The following NUP160 variants were observed in gnomAD, a reference collection of about 807,000 sequenced individuals.
NUP160 encodes nucleoporin 160, also known as nuclear pore complex protein Nup160.
NUP160 carries 94 observed loss-of-function variants against 196.9 expected under a neutral mutation model. The observed-to-expected ratio is 0.48, with a 90% CI of 0.40 to 0.57. NUP160 has a LOEUF of 0.57. Ranked by LOEUF, NUP160 falls within the 20% of genes least tolerant of loss-of-function variation. The probability of loss-of-function intolerance (pLI) is 0.00; values close to 1 mark genes in which losing one functional copy is unlikely to be tolerated. For synonymous variants in NUP160, 605 were observed against 619.7 expected (o/e 0.98, Z 0.35); for missense variants, 1,638 against 1,748.3 (o/e 0.94, Z 1.13).
intron 34 of NUP160, 31 bp downstream of exon 34, chr11:47,783,042 T>C (rs74990892): frequency 0.014 from 21,844 of 1,591,688 alleles, 194 homozygotes; most frequent in Non-Finnish European, 0.016. Flanking sequence ...GTCAAACCAT[T>C]GTAAATTGGG....
In NUP160 at chr11:47,804,058, G is replaced by A. The variant is rs553476182; in HGVS notation, c.2676+491C>T. ...TAGCTGGGCGCGGTGGCACGTGCCT[G>A]TAATCCCAGCTACTCGGGAGGCTGA... On this transcript the variant is annotated intron_variant, in intron 21 of 35. Coordinates refer to ENST00000378460, the Ensembl canonical transcript of NUP160. 7.2e-5 allele frequency among the ~76,000 whole-genome samples: 11 copies of A among 152,110 alleles called. No homozygotes were observed. The South Asian group carries it at 1.7e-3, about 23-fold the overall frequency.
intron 33 of NUP160, 27 bp downstream of exon 33, chr11:47,784,894 TA>T: frequency 3.3e-6 from 5 of 1,516,000 alleles, no homozygotes; most frequent in Non-Finnish European, 4.5e-6. Flanking sequence ...AGTGGGTTCT[TA>T]CTCTGTACAA....
chr11:47,794,470 G>A (rs1274555356), intron 27 of NUP160, among the ~76,000 whole-genome samples: 9 of 151,994 alleles, frequency 5.9e-5, no homozygotes, highest in East Asian at 1.9e-4. Context: ...GCGAGACTCC[G>A]TCTCAAAAAC....
chr11:47,815,819 G>C (rs769359519), intron 12 of NUP160, 127 bp downstream of exon 12: 3 of 936,704 alleles, frequency 3.2e-6, no homozygotes, highest in African/African-American at 1.7e-5. Context: ...CTAGTTAAAA[G>C]GTTTAAACAT....
At chr11:47,802,437 CA>C (rs1187571544) in intron 22 of NUP160, among the ~76,000 whole-genome samples, 9 of 140,340 alleles carry the variant, frequency 6.4e-5, no homozygotes, top group Admixed American at 2.1e-4. Flanking sequence ...AGACTGTCTC[CA>C]AAAAAAAAAG....
At chr11:47,846,897 C>A (rs955849789) in intron 2 of NUP160, among the ~76,000 whole-genome samples, 4 of 152,136 alleles carry the variant, frequency 2.6e-5, no homozygotes, top group Non-Finnish European at 4.4e-5. Context: ...GGTTTTCCAA[C>A]CTTTGCTCCC....
intron 7 of NUP160, among the ~76,000 whole-genome samples, chr11:47,829,988 T>C (rs1279580492): frequency 1.3e-5 from 2 of 152,170 alleles, no homozygotes; most frequent in Admixed American, 6.5e-5. Context: ...GGGTCTGATT[T>C]CCAACCTCTA....
intron 23 of NUP160, among the ~76,000 whole-genome samples, chr11:47,798,818 C>T (rs1032191510): frequency 4.0e-5 from 6 of 151,772 alleles, no homozygotes; most frequent in Admixed American, 2.0e-4. Context: ...TGGTATAGCA[C>T]GACCCTGTCT....
chr11:47,827,160 A>T lies in NUP160; in HGVS notation c.1102-4996T>A, dbSNP rs560701490. 3,116 of 456,042 alleles carry T rather than the reference A, an allele frequency of 6.8e-3. 18 individuals carry two copies. The highest frequency in any genetic ancestry group is 9.3e-3 in the Non-Finnish European group (2,116 of 226,902). 28.2% of individuals were successfully genotyped at this position (456,042 alleles called of 1,614,324 possible). On this transcript the variant is annotated intron_variant, in intron 7 of 35. Transcript: ENST00000378460. ...GGTGGGTGGACTGCTTGAACTCAGGAGTTTGAGACCAGGCAACATGGCGAA... is the reference window on the plus strand; with the variant it reads ...GGTGGGTGGACTGCTTGAACTCAGGTGTTTGAGACCAGGCAACATGGCGAA...
At position 47,847,841 on chromosome 11, in the gene NUP160, C is replaced by T. The variant is rs1852430315; in HGVS notation, c.314+7G>A. ...TCCAGGGGAGTTTGGCGAACCACAA[C>T]ACTTACCAATGAATGAACCTGTTTC... On this transcript the variant is annotated splice_region_variant and intron_variant, in intron 2 of 35. Transcript: ENST00000378460. The T allele has an allele frequency of 2.5e-6, 4 of 1,601,482 alleles. No homozygotes were observed. The highest frequency in any genetic ancestry group is 3.4e-6 in the Non-Finnish European group (4 of 1,168,532).
At chr11:47,834,700 G>C (rs1852140910) in intron 7 of NUP160, among the ~76,000 whole-genome samples, 1 of 152,202 alleles carries the variant, frequency 6.6e-6, no homozygotes, top group Non-Finnish European at 1.5e-5. Context: ...CCCAGCACAG[G>C]AGTGAGAACA....
chr11:47,799,162 T>G (rs1360781402), intron 23 of NUP160, among the ~76,000 whole-genome samples: 2 of 150,708 alleles, frequency 1.3e-5, no homozygotes, highest in East Asian at 3.9e-4. Context: ...CTCGGCTCAC[T>G]GCAACCCCTA....
intron 11 of NUP160, among the ~76,000 whole-genome samples, chr11:47,817,187 T>A (rs1459136212): frequency 6.6e-6 from 1 of 151,774 alleles, no homozygotes; most frequent in Non-Finnish European, 1.5e-5. Flanking sequence ...TCTCCCTCTG[T>A]TGCCCAGGCT....
At chr11:47,824,386 A>G (rs1271216715) in intron 7 of NUP160, among the ~76,000 whole-genome samples, 1 of 151,912 alleles carries the variant, frequency 6.6e-6, no homozygotes, top group Non-Finnish European at 1.5e-5. Context: ...CAGGTGGATC[A>G]TGAGGTCAGG....
At chr11:47,835,690 G>C in exon 7 of NUP160, 8 of 1,602,866 alleles carry the variant, frequency 5.0e-6, no homozygotes, top group South Asian at 1.1e-5. Context: ...TCCCCAGGTA[G>C]AGTCCCATGG....
chr11:47,838,991 G>A (rs1852240228), intron 4 of NUP160, among the ~76,000 whole-genome samples: 2 of 133,910 alleles, frequency 1.5e-5, no homozygotes, highest in East Asian at 2.3e-4. Flanking sequence ...GCGACAGAGA[G>A]AAATCCCATC....
chr11:47,814,107 A>G (rs2097682799), intron 13 of NUP160, among the ~76,000 whole-genome samples: 1 of 144,438 alleles, frequency 6.9e-6, no homozygotes, highest in African/African-American at 2.5e-5. Context: ...GTGCCACTGT[A>G]CTGCAGCCTG....
intron 7 of NUP160, among the ~76,000 whole-genome samples, chr11:47,824,387 T>TGA (rs1433498050): frequency 6.6e-6 from 1 of 151,662 alleles, no homozygotes; most frequent in Non-Finnish European, 1.5e-5. Flanking sequence ...AGGTGGATCA[T>TGA]GAGGTCAGGA....
At chr11:47,840,130 T>C in intron 3 of NUP160, 65 bp from the exon 4 acceptor site, 1 of 1,253,162 alleles carries the variant, frequency 8.0e-7, no homozygotes. Flanking sequence ...TCAGTTCCTC[T>C]CTATTGCTAA....
Sources: gnomAD v4.1 joint callset for allele counts (sites outside exome capture counted in the v4.1 genomes callset) on GRCh38, gnomAD v4.1.1 for gene constraint, MANE v1.5 for transcripts, NCBI Gene and HGNC (gene_info 2026-07-23, HGNC 2026-07-21) for gene names.